CDK5RAP2: variants seen among roughly 807,000 people sequenced by gnomAD.
The protein encoded by CDK5RAP2 is CDK5 regulatory subunit-associated protein 2.
In CDK5RAP2, 147 loss-of-function variants were observed where a neutral mutation model predicts 232.9. The observed-to-expected ratio is 0.63, with a 90% CI of 0.55 to 0.72. The LOEUF (loss-of-function observed/expected upper bound fraction) is 0.72, where lower values mean the gene tolerates loss of function less well. CDK5RAP2 is among the 30% of genes least tolerant of loss of function. CDK5RAP2 has a pLI of 0.00. For synonymous variants in CDK5RAP2, 833 were observed against 833.7 expected (o/e 1.00, Z 0.01); for missense variants, 2,195 against 2,231.5 (o/e 0.98, Z 0.33).
At chr9:120,546,840 T>C (rs1699680307) in intron 4 of CDK5RAP2, among the ~76,000 whole-genome samples, 1 of 152,180 alleles carries the variant, frequency 6.6e-6, no homozygotes, top group Non-Finnish European at 1.5e-5. Context: ...TCTTGCTATA[T>C]CGCACAGGCT....
rs980013368 is a variant in CDK5RAP2, at chr9:120,460,681, G to T, written c.2107-14C>A. The stretch of plus-strand genomic sequence containing the variant: ...GCTAGCCAGAAGCTACATGGAGCAT[G>T]GAATGGTGTGAAAATGCAACCCAAA... On this transcript the variant is annotated splice_polypyrimidine_tract_variant and intron_variant, in intron 18 of 37. Transcript: ENST00000349780. 6.2e-7 allele frequency: 1 copy of T among 1,613,744 alleles called. No individual in the cohort carries two copies. Among genetic ancestry groups the T allele is most frequent in the African/African-American group, 1.3e-5 (1 of 74,934 alleles).
Position 120,389,832 on chromosome 9 carries a change from C to T in CDK5RAP2, c.5579-45G>A, listed in dbSNP as rs547703173. 7 of 1,586,646 alleles carry T rather than the reference C, an allele frequency of 4.4e-6. No individual in the cohort carries two copies. The African/African-American group carries it at 5.4e-5, about 12-fold the overall frequency. ...TGCAATGATTAGGGCCATGGATATC[C>T]AGGAGAGCTGTGTGAAAGCCAAGTG... On this transcript the variant is annotated intron_variant, in intron 36 of 37. Transcript: ENST00000349780.
chr9:120,426,316 G>A (rs1423491497), intron 25 of CDK5RAP2, among the ~76,000 whole-genome samples: 1 of 152,134 alleles, frequency 6.6e-6, no homozygotes, highest in African/African-American at 2.4e-5. Flanking sequence ...AAAGTGACTG[G>A]GTTACAGCTT....
chr9:120,512,710 T>C (rs1358887902), intron 12 of CDK5RAP2, among the ~76,000 whole-genome samples: 1 of 152,222 alleles, frequency 6.6e-6, no homozygotes, highest in Non-Finnish European at 1.5e-5. Context: ...TCCATAGACC[T>C]GAATCCATGT....
Position 120,460,567 on chromosome 9 carries a change from C to G in CDK5RAP2, c.2202+5G>C. 1 of 1,613,604 alleles carries G rather than the reference C, an allele frequency of 6.2e-7. No homozygotes were observed. Among genetic ancestry groups the G allele is most frequent in the Non-Finnish European group, 8.5e-7 (1 of 1,179,582 alleles). On this transcript the variant is annotated splice_donor_5th_base_variant and intron_variant, in intron 19 of 37. Transcript: ENST00000349780. The stretch of plus-strand genomic sequence containing the variant: ...GAAATAAGGAGTTAACTGAAAGGTT[C>G]CTACCTCATTACTCTGCTGCAAATG...
In CDK5RAP2 at chr9:120,470,223, G is replaced by C; in HGVS notation, c.1859-3C>G. On this transcript the variant is annotated splice_polypyrimidine_tract_variant and splice_region_variant and intron_variant, in intron 16 of 37. Transcript: ENST00000349780. ...ACTATAAAGTGAAAATGATTCTTCT[G>C]CCCAAAAAAGAAAAAAAAAAGGTGG... 1 of 1,435,648 alleles carries C rather than the reference G, an allele frequency of 7.0e-7. No individual in the cohort carries two copies. Among genetic ancestry groups the C allele is most frequent in the Admixed American group, 2.1e-5 (1 of 48,726 alleles). The allele number at this position is 1,435,648 out of a possible 1,614,324, so 88.9% of individuals were successfully genotyped here. A position where few individuals can be genotyped will look rare whatever the true frequency, so the allele number is the denominator to read the frequency against.
At chr9:120,437,617 A>C in intron 24 of CDK5RAP2, 90 bp from the exon 25 acceptor site, 2 of 942,616 alleles carry the variant, frequency 2.1e-6, no homozygotes, top group Non-Finnish European at 3.5e-6. Context: ...ACAGAGTACA[A>C]TTTTTAAAAG....
At chr9:120,452,727 T>C (rs1458721909) in intron 21 of CDK5RAP2, among the ~76,000 whole-genome samples, 1 of 151,054 alleles carries the variant, frequency 6.6e-6, no homozygotes, top group African/African-American at 2.4e-5. Context: ...TGAAGGAAAA[T>C]CAACATGCAA....
chr9:120,516,484 T>C (rs1176126180), intron 12 of CDK5RAP2, among the ~76,000 whole-genome samples: 1 of 151,934 alleles, frequency 6.6e-6, no homozygotes, highest in African/African-American at 2.4e-5. Flanking sequence ...ACCTGCACAT[T>C]GTGCACATGT....
chr9:120,439,828 T>C lies in CDK5RAP2; in HGVS notation c.3293A>G (p.Asp1098Gly), dbSNP rs145045103. ...PSAKVSVMGT[D>G]QSESINTSNE... Reference sequence around the variant, plus strand: ...TGAGGTATTAATGCTCTCTGACTGATCAGTCCCCATCACACTGACTTTAGC... The same window carrying C: ...TGAGGTATTAATGCTCTCTGACTGACCAGTCCCCATCACACTGACTTTAGC... Residue 1098 changes from aspartate to glycine, a missense_variant, in exon 24 of 38, where the codon GAT becomes GGT. By Grantham distance (94) the Asp-to-Gly change is moderately conservative (BLOSUM62 -1). Coordinates refer to ENST00000349780, the MANE Select transcript of CDK5RAP2 (RefSeq NM_018249.6). 1.2e-5 allele frequency: 19 copies of C among 1,614,076 alleles called. No homozygotes were observed. The highest frequency in any genetic ancestry group is 1.6e-5 in the Non-Finnish European group (19 of 1,180,038).
At chr9:120,402,497 G>A (rs975574962) in intron 34 of CDK5RAP2, among the ~76,000 whole-genome samples, 1 of 152,324 alleles carries the variant, frequency 6.6e-6, no homozygotes, top group Admixed American at 6.5e-5. Context: ...GCAGATGAAT[G>A]GACAGACACA....
At chr9:120,443,506 A>G (rs3780678) in intron 23 of CDK5RAP2, 114 bp downstream of exon 23, 31,724 of 1,204,750 alleles carry the variant, frequency 0.026, 524 homozygotes, top group East Asian at 0.066. Context: ...GACTGGAATG[A>G]TAATAATGCC....
At position 120,580,044 on chromosome 9, in the gene CDK5RAP2, C is replaced by G. The variant is rs2043188321; in HGVS notation, c.-66G>C. The G allele has an allele frequency of 3.7e-6, 4 of 1,080,190 alleles. No homozygotes were observed. Among genetic ancestry groups the G allele is most frequent in the Non-Finnish European group, 4.2e-6 (3 of 712,420 alleles). 66.9% of individuals were successfully genotyped at this position (1,080,190 alleles called of 1,614,324 possible). A position where few individuals can be genotyped will look rare whatever the true frequency, so the allele number is the denominator to read the frequency against. On this transcript the variant is annotated 5_prime_UTR_variant, in exon 1 of 38. Coordinates refer to ENST00000349780, the MANE Select transcript of CDK5RAP2 (RefSeq NM_018249.6). Reference sequence around the variant, plus strand: ...GCGCCACTAGTACCCCCCGCGATAGCGACCCGCCGGGCTCCCCAGGTCCCC... The same window carrying G: ...GCGCCACTAGTACCCCCCGCGATAGGGACCCGCCGGGCTCCCCAGGTCCCC...
At chr9:120,443,531 A>G (rs2036015822) in intron 23 of CDK5RAP2, 89 bp downstream of exon 23, 5 of 1,409,336 alleles carry the variant, frequency 3.5e-6, no homozygotes, top group Non-Finnish European at 5.0e-6. Context: ...GAGGGCTGCT[A>G]TGGGCTTAGT....
At chr9:120,468,033 A>G in intron 17 of CDK5RAP2, 36 bp from the exon 18 acceptor site, 1 of 1,612,536 alleles carries the variant, frequency 6.2e-7, no homozygotes, top group Non-Finnish European at 8.5e-7. Flanking sequence ...CTGTCTACCC[A>G]GCAAGAGACT....
intron 18 of CDK5RAP2, among the ~76,000 whole-genome samples, chr9:120,462,828 G>A (rs773619376): frequency 7.9e-5 from 12 of 152,258 alleles, no homozygotes; most frequent in East Asian, 1.9e-4. Context: ...CTTAGTGAAC[G>A]CAGGCTTACA....
chr9:120,550,533 A>G (rs1386061073), intron 4 of CDK5RAP2, among the ~76,000 whole-genome samples: 1 of 152,242 alleles, frequency 6.6e-6, no homozygotes, highest in Non-Finnish European at 1.5e-5. Context: ...GTAATTATAA[A>G]AACTTAACTG....
intron 25 of CDK5RAP2, among the ~76,000 whole-genome samples, chr9:120,425,083 C>T (rs1021371178): frequency 1.3e-5 from 2 of 152,044 alleles, no homozygotes; most frequent in Non-Finnish European, 2.9e-5. Context: ...TTAAGCATTC[C>T]GGGTCTCCAG....
At chr9:120,514,669 G>A (rs1402270256) in intron 12 of CDK5RAP2, among the ~76,000 whole-genome samples, 2 of 152,120 alleles carry the variant, frequency 1.3e-5, no homozygotes, top group East Asian at 3.8e-4. Context: ...AGTTACACAA[G>A]GCAATCAAGT....
Sources: allele counts gnomAD v4.1 joint callset (sites outside exome capture counted in the v4.1 genomes callset), GRCh38; gene constraint gnomAD v4.1.1; transcripts MANE v1.5; gene names NCBI Gene and HGNC (gene_info 2026-07-23, HGNC 2026-07-21).